RASGEF1C: variants seen among roughly 807,000 people sequenced by gnomAD.
RASGEF1C encodes the protein ras-GEF domain-containing family member 1C.
A neutral mutation model predicts 58.1 loss-of-function variants in RASGEF1C; 27 were observed. The ratio of observed to expected loss-of-function variants is 0.46; its 90% CI spans 0.34 to 0.64. The LOEUF (loss-of-function observed/expected upper bound fraction) is 0.64. Among genes scored for constraint, RASGEF1C ranks in the 30% least tolerant of loss-of-function variants. The probability of loss-of-function intolerance (pLI) is 0.01; values close to 1 mark genes in which losing one functional copy is unlikely to be tolerated. For missense variants in RASGEF1C, 502 were observed against 605.1 expected, an observed-to-expected ratio of 0.83 and a Z score of 1.79; for synonymous variants, 243 against 246.3, an observed-to-expected ratio of 0.99 and a Z score of 0.13.
chr5:180,192,217 A>G (rs1322589477), intron 1 of RASGEF1C, among the ~76,000 whole-genome samples: 1 of 152,242 alleles, frequency 6.6e-6, no homozygotes, highest in African/African-American at 2.4e-5. Context: ...AAGATGGCTA[A>G]CAACCTAACA....
chr5:180,190,275 T>C (rs74752167), intron 1 of RASGEF1C, among the ~76,000 whole-genome samples: 41,375 of 150,688 alleles, frequency 0.27, 5,936 homozygotes, highest in East Asian at 0.54. Flanking sequence ...ATCACGAGGT[T>C]AGGAGATCGA....
At chr5:180,180,097 T>G (rs2113322069) in intron 1 of RASGEF1C, among the ~76,000 whole-genome samples, 1 of 152,288 alleles carries the variant, frequency 6.6e-6, no homozygotes, top group East Asian at 1.9e-4. Flanking sequence ...ACACTGCCTG[T>G]AGCACATCCA....
chr5:180,118,724 C>A lies in RASGEF1C; in HGVS notation c.988-20G>T. 1 of 1,614,074 alleles carries A rather than the reference C, an allele frequency of 6.2e-7. No homozygotes were observed. Among genetic ancestry groups the A allele is most frequent in the Non-Finnish European group, 8.5e-7 (1 of 1,179,904 alleles). ...CTGGTGCTGGAAGGAGACAGGGAGG[C>A]ATGTGGGCAGTTCTGTCCAGGGGAT... On this transcript the variant is annotated intron_variant, in intron 9 of 13. Coordinates refer to ENST00000361132, the MANE Select transcript of RASGEF1C (RefSeq NM_175062.4).
At chr5:180,148,717 C>T (rs1268453464) in intron 1 of RASGEF1C, among the ~76,000 whole-genome samples, 1 of 152,074 alleles carries the variant, frequency 6.6e-6, no homozygotes, top group African/African-American at 2.4e-5. Context: ...ATGTATTAGT[C>T]TCTTAAATCA....
chr5:180,205,180 C>G (rs1410133405), intron 1 of RASGEF1C, among the ~76,000 whole-genome samples: 3 of 151,874 alleles, frequency 2.0e-5, no homozygotes, highest in Non-Finnish European at 4.4e-5. Context: ...CAGAGCGAGA[C>G]TCCGTCTCAA....
chr5:180,185,065 G>A (rs940569640), intron 1 of RASGEF1C, among the ~76,000 whole-genome samples: 2 of 152,140 alleles, frequency 1.3e-5, no homozygotes, highest in Non-Finnish European at 2.9e-5. Context: ...GGCCGAGGTG[G>A]GCGGATCACA....
At chr5:180,165,385 C>A (rs72821981) in intron 1 of RASGEF1C, among the ~76,000 whole-genome samples, 22,688 of 151,936 alleles carry the variant, frequency 0.15, 2,215 homozygotes, top group Non-Finnish European at 0.21. Flanking sequence ...GTTTTAAATT[C>A]TAGGCTGGGG....
intron 1 of RASGEF1C, among the ~76,000 whole-genome samples, chr5:180,171,756 CA>C (rs1452687840): frequency 1.3e-5 from 2 of 152,266 alleles, no homozygotes; most frequent in African/African-American, 4.8e-5. Flanking sequence ...GAATGCGTAG[CA>C]AAAATAAATG....
intron 1 of RASGEF1C, among the ~76,000 whole-genome samples, chr5:180,162,231 G>C (rs1766954231): frequency 6.6e-6 from 1 of 152,204 alleles, no homozygotes; most frequent in Non-Finnish European, 1.5e-5. Context: ...TCACGACATT[G>C]TCTGCTTGTC....
At chr5:180,146,946 T>C (rs1766669178) in intron 1 of RASGEF1C, among the ~76,000 whole-genome samples, 1 of 152,194 alleles carries the variant, frequency 6.6e-6, no homozygotes, top group African/African-American at 2.4e-5. Flanking sequence ...TCCAGGACTT[T>C]TTTGTTGTTG....
rs1766882481 is a variant in RASGEF1C, at chr5:180,158,331, C to A, written c.-6-20273G>T. 6.6e-6 allele frequency among the ~76,000 whole-genome samples: 1 copy of A among 152,130 alleles called. No homozygotes were observed. The highest frequency in any genetic ancestry group is 2.1e-4 in the South Asian group (1 of 4,828). ...TCCCGTCTCCTGTATTTAAAGTCTT[C>A]TTTCTTGGGTTGGTCTTTCATTTTA... is the stretch of plus-strand genomic sequence containing the variant. On this transcript the variant is annotated intron_variant, in intron 1 of 13. Coordinates refer to ENST00000361132, the MANE Select transcript of RASGEF1C (RefSeq NM_175062.4). This position sits in a 1 kb window ranked among gnomAD's most constrained non-coding sequence, Gnocchi z 4.0.
chr5:180,146,805 A>C (rs548720211), intron 1 of RASGEF1C, among the ~76,000 whole-genome samples: 2 of 152,272 alleles, frequency 1.3e-5, no homozygotes, highest in African/African-American at 4.8e-5. Context: ...CTTTGGTATC[A>C]AGGTGATGCT....
chr5:180,194,106 G>A (rs935974037), intron 1 of RASGEF1C, among the ~76,000 whole-genome samples: 2 of 152,072 alleles, frequency 1.3e-5, no homozygotes, highest in Admixed American at 1.3e-4. Context: ...GTGACCTTGG[G>A]GTGTCCTCCC....
intron 12 of RASGEF1C, among the ~76,000 whole-genome samples, chr5:180,105,390 G>A (rs565138790): frequency 1.4e-4 from 21 of 151,730 alleles, no homozygotes; most frequent in Admixed American, 6.6e-4. Flanking sequence ...GTGAAACCCC[G>A]TCTCTACTAA....
intron 1 of RASGEF1C, among the ~76,000 whole-genome samples, chr5:180,181,384 G>T (rs1167135658): frequency 6.6e-6 from 1 of 152,350 alleles, no homozygotes; most frequent in South Asian, 2.1e-4. Context: ...ACAGATGACT[G>T]AAGTCCTCAC....
chr5:180,101,364 G>T lies in RASGEF1C; in HGVS notation c.*137C>A, dbSNP rs1254522339. On this transcript the variant is annotated 3_prime_UTR_variant, in exon 14 of 14. Coordinates refer to ENST00000361132, the MANE Select transcript of RASGEF1C (RefSeq NM_175062.4). ...GTATGGCCACTGTGGGGGGGGGGGG[G>T]GCGGGCAGCAGGCCACAGGGTCGGC... 4.5e-6 allele frequency: 4 copies of T among 886,280 alleles called. No homozygotes were observed. The highest frequency in any genetic ancestry group is 2.8e-5 in the East Asian group (1 of 35,946). The allele number at this position is 886,280 out of a possible 1,614,324, so 54.9% of individuals were successfully genotyped here.
intron 1 of RASGEF1C, among the ~76,000 whole-genome samples, chr5:180,159,133 A>T (rs1030274064): frequency 2.1e-4 from 27 of 128,474 alleles, no homozygotes; most frequent in Non-Finnish European, 4.0e-4. Flanking sequence ...GTTTTTTTTT[A>T]ATTTTTTAAT....
chr5:180,106,509 C>T, intron 12 of RASGEF1C, among the ~76,000 whole-genome samples: 1 of 152,088 alleles, frequency 6.6e-6, no homozygotes, highest in South Asian at 2.1e-4. Context: ...TTAAATTTTC[C>T]ATGAGCCTCT....
intron 1 of RASGEF1C, among the ~76,000 whole-genome samples, chr5:180,161,486 C>A (rs2113301224): frequency 6.6e-6 from 1 of 152,370 alleles, no homozygotes; most frequent in East Asian, 1.9e-4. Context: ...CCTGTGTGGA[C>A]CTGATGGGGC....
Sources: allele counts gnomAD v4.1 joint callset (sites outside exome capture counted in the v4.1 genomes callset), GRCh38; gene constraint gnomAD v4.1.1; non-coding constraint Gnocchi (gnomAD v3.1); transcripts MANE v1.5; gene names NCBI Gene and HGNC (gene_info 2026-07-23, HGNC 2026-07-21).